Variants in GLIS1 observed in about 807,000 individuals in gnomAD.
GLIS1 encodes GLIS family zinc finger 1.
Under a neutral mutation model 63.8 loss-of-function variants are expected in GLIS1, and 24 were observed. The ratio of observed to expected loss-of-function variants is 0.38; its 90% CI spans 0.27 to 0.53. GLIS1 has a LOEUF of 0.53. GLIS1 is among the 20% of genes least tolerant of loss of function. The probability of loss-of-function intolerance (pLI) is 0.85; values close to 1 mark genes in which losing one functional copy is unlikely to be tolerated. For missense variants in GLIS1, 1,036 were observed against 1,074.1 expected (o/e 0.96, Z 0.50); for synonymous variants, 450 against 482.5 (o/e 0.93, Z 0.88).
intron 2 of GLIS1, among the ~76,000 whole-genome samples, chr1:53,626,688 C>T (rs965071711): frequency 2.6e-5 from 4 of 152,244 alleles, no homozygotes; most frequent in Non-Finnish European, 5.9e-5. Context: ...CAAGTATCTG[C>T]TACATGCATG....
chr1:53,694,898 A>ATG (rs1646448756), intron 2 of GLIS1, among the ~76,000 whole-genome samples: 1 of 151,830 alleles, frequency 6.6e-6, no homozygotes, highest in African/African-American at 2.4e-5. Flanking sequence ...TCGTGCCTGC[A>ATG]AACAGCCACT....
chr1:53,702,233 C>T (rs919010980), intron 2 of GLIS1, among the ~76,000 whole-genome samples: 1 of 152,138 alleles, frequency 6.6e-6, no homozygotes, highest in African/African-American at 2.4e-5. Context: ...GGTCACTGCT[C>T]CTCCCCTCAC....
rs748552355 is a variant in GLIS1 at position 53,574,681 on chromosome 1, AG to A, written c.1320+19426del. ...ATGATGTCTGCTGGTCCCCAATATG[AG>A]TAAAGGAAGCAGCCCCACCTGGGCC... On this transcript the variant is annotated intron_variant, in intron 4 of 10. Transcript: ENST00000628545. This position sits in a 1 kb window ranked among gnomAD's most constrained non-coding sequence, Gnocchi z 4.2. Among the ~76,000 whole-genome samples the A allele has an allele frequency of 1.3e-5, 2 of 152,160 alleles. No individual in the cohort carries two copies. Among genetic ancestry groups the A allele is most frequent in the Non-Finnish European group, 2.9e-5 (2 of 68,034 alleles).
intron 4 of GLIS1, among the ~76,000 whole-genome samples, chr1:53,540,415 GGGTCTCCCTCCCCCAGGGATGGCC>G (rs1644631334): frequency 6.6e-6 from 1 of 152,074 alleles, no homozygotes; most frequent in Non-Finnish European, 1.5e-5. Context: ...GCCTCAGCAG[GGGTCTCCCTCCCCCAGGGATGGCC>G]TGGGGCTCAG....
At chr1:53,585,766 G>C (rs780735229) in intron 4 of GLIS1, among the ~76,000 whole-genome samples, 1 of 152,218 alleles carries the variant, frequency 6.6e-6, no homozygotes, top group African/African-American at 2.4e-5. Context: ...CTGCAGGCAG[G>C]AGTACTGGAA....
At chr1:53,607,798 A>G (rs969519206) in intron 2 of GLIS1, among the ~76,000 whole-genome samples, 3 of 152,174 alleles carry the variant, frequency 2.0e-5, no homozygotes, top group East Asian at 1.9e-4. Context: ...TTTTCTCACA[A>G]TTCCAGAGGC....
chr1:53,672,715 GT>G (rs1204736034), intron 2 of GLIS1, among the ~76,000 whole-genome samples: 1 of 152,176 alleles, frequency 6.6e-6, no homozygotes, highest in East Asian at 1.9e-4. Context: ...CTGATGCTTT[GT>G]TTGACAATGT....
intron 4 of GLIS1, among the ~76,000 whole-genome samples, chr1:53,585,412 G>C (rs961840854): frequency 3.9e-5 from 6 of 152,188 alleles, no homozygotes; most frequent in Non-Finnish European, 4.4e-5. Context: ...GGCAGAGTAA[G>C]GGATTTGAAC....
chr1:53,518,685 C>A (rs560062167), intron 7 of GLIS1, among the ~76,000 whole-genome samples: 145 of 152,368 alleles, frequency 9.5e-4, no homozygotes, highest in African/African-American at 3.4e-3. Context: ...CTCCTCCAAT[C>A]TGTGATGATG....
chr1:53,521,631 G>T (rs1047517669), intron 6 of GLIS1, among the ~76,000 whole-genome samples: 1 of 152,180 alleles, frequency 6.6e-6, no homozygotes, highest in Non-Finnish European at 1.5e-5. Context: ...CCAGCTGGCC[G>T]AGCCCCATCT....
intron 2 of GLIS1, among the ~76,000 whole-genome samples, chr1:53,644,376 C>G (rs1645819871): frequency 6.6e-6 from 1 of 152,212 alleles, no homozygotes; most frequent in Admixed American, 6.5e-5. Context: ...TTGTTATTCA[C>G]AAACAAATTC....
intron 2 of GLIS1, among the ~76,000 whole-genome samples, chr1:53,680,724 T>C (rs1341089621): frequency 6.6e-6 from 1 of 152,176 alleles, no homozygotes; most frequent in South Asian, 2.1e-4. Flanking sequence ...AATGAATGAA[T>C]GAATGAAAGA....
At chr1:53,663,547 G>A (rs1031652627) in intron 2 of GLIS1, among the ~76,000 whole-genome samples, 9 of 152,250 alleles carry the variant, frequency 5.9e-5, no homozygotes. Flanking sequence ...AATCCAGAGG[G>A]GAGAACCCCA....
intron 2 of GLIS1, among the ~76,000 whole-genome samples, chr1:53,685,612 T>A (rs1646328027): frequency 6.6e-6 from 1 of 150,890 alleles, no homozygotes; most frequent in East Asian, 2.1e-4. Flanking sequence ...TTGTGTTTTT[T>A]CCCCTCTCTT....
At chr1:53,674,231 G>A (rs916375720) in intron 2 of GLIS1, among the ~76,000 whole-genome samples, 1 of 151,480 alleles carries the variant, frequency 6.6e-6, no homozygotes, top group Non-Finnish European at 1.5e-5. Flanking sequence ...TGAAAACATT[G>A]CAAATACCTG....
chr1:53,701,385 T>A (rs186802260), intron 2 of GLIS1, among the ~76,000 whole-genome samples: 8 of 152,302 alleles, frequency 5.3e-5, no homozygotes, highest in Admixed American at 5.2e-4. Flanking sequence ...GAAAGTCTTC[T>A]TCCCCCAAGA....
intron 2 of GLIS1, among the ~76,000 whole-genome samples, chr1:53,733,340 C>G (rs981677591): frequency 6.6e-6 from 1 of 152,120 alleles, no homozygotes; most frequent in Non-Finnish European, 1.5e-5. Flanking sequence ...AAAATCATAG[C>G]ATATAAAGAA....
intron 2 of GLIS1, among the ~76,000 whole-genome samples, chr1:53,730,284 T>A (rs565792768): frequency 3.7e-4 from 56 of 152,278 alleles, no homozygotes; most frequent in African/African-American, 1.3e-3. Context: ...CCTGGCAACC[T>A]CTGCCGGCAC....
intron 2 of GLIS1, among the ~76,000 whole-genome samples, chr1:53,723,512 G>A (rs1461317826): frequency 2.0e-5 from 3 of 152,048 alleles, no homozygotes; most frequent in African/African-American, 4.8e-5. Context: ...GGGATTACAG[G>A]GGTGAGCCAC....
Sources: gnomAD v4.1 joint callset for allele counts (sites outside exome capture counted in the v4.1 genomes callset) on GRCh38, gnomAD v4.1.1 for gene constraint, Gnocchi (gnomAD v3.1) non-coding constraint, MANE v1.5 for transcripts, NCBI Gene and HGNC (gene_info 2026-07-23, HGNC 2026-07-21) for gene names.